The following RAB27A variants were observed in gnomAD, a reference collection of about 807,000 sequenced individuals.
The protein encoded by RAB27A is RAB27A, member RAS oncogene family.
RAB27A carries 17 observed loss-of-function variants against 20.8 expected under a neutral mutation model. The ratio of observed to expected loss-of-function variants is 0.82; its 90% CI spans 0.56 to 1.23. The LOEUF (loss-of-function observed/expected upper bound fraction) is 1.23. RAB27A is among the 50% of genes most tolerant of loss of function. RAB27A has a pLI of 0.00. For synonymous variants in RAB27A, 85 were observed against 92.8 expected (o/e 0.92, Z 0.48); for missense variants, 277 against 266.7 (o/e 1.04, Z -0.27).
At chr15:55,291,591 T>G (rs1898312868), upstream of RAB27A, among the ~76,000 whole-genome samples, 1 of 134,760 alleles carries the variant, frequency 7.4e-6, no homozygotes, top group Non-Finnish European at 1.6e-5. Context: ...GTCCTGGGAA[T>G]CACTGATCAG....
Position 55,270,155 on chromosome 15 carries a change from A to C in RAB27A, c.-23+10T>G, listed in dbSNP as rs1188066027. 2 of 152,180 alleles carry C rather than the reference A, an allele frequency of 1.3e-5. No individual in the cohort carries two copies. Among genetic ancestry groups the C allele is most frequent in the Non-Finnish European group, 2.9e-5 (2 of 68,032 alleles). The allele number at this position is 152,180 out of a possible 1,614,324, so 9.4% of individuals were successfully genotyped here. ...TACCAAAAAAAAAAAAGATAAATAC[A>C]AAACCATACCTTTACAGGGTAGAGA... On this transcript the variant is annotated intron_variant, in intron 2 of 6. Coordinates refer to ENST00000336787, the MANE Select transcript of RAB27A (RefSeq NM_183235.3).
chr15:55,230,667 T>G (rs1030902616), intron 3 of RAB27A, among the ~76,000 whole-genome samples, 181 bp from the exon 4 acceptor site: 1 of 152,136 alleles, frequency 6.6e-6, no homozygotes, highest in Admixed American at 6.5e-5. Flanking sequence ...ATAAGTTATA[T>G]TGAAATATAT....
At chr15:55,277,222 T>G (rs1413701749) in intron 1 of RAB27A, among the ~76,000 whole-genome samples, 1 of 152,190 alleles carries the variant, frequency 6.6e-6, no homozygotes, top group East Asian at 1.9e-4. Flanking sequence ...ATGTGTCATT[T>G]AGAGACTAGA....
At chr15:55,268,951 T>C (rs1897608224) in intron 2 of RAB27A, among the ~76,000 whole-genome samples, 1 of 152,134 alleles carries the variant, frequency 6.6e-6, no homozygotes, top group Non-Finnish European at 1.5e-5. Context: ...CCTCATGGTC[T>C]CTTCACAAGA....
chr15:55,278,192 A>G (rs1897924794), intron 1 of RAB27A, among the ~76,000 whole-genome samples: 1 of 152,204 alleles, frequency 6.6e-6, no homozygotes, highest in Non-Finnish European at 1.5e-5. Context: ...TGTAACACAC[A>G]TTTTGTTTCA....
chr15:55,217,619 C>A (rs1002169784), intron 6 of RAB27A, among the ~76,000 whole-genome samples: 2 of 122,644 alleles, frequency 1.6e-5, no homozygotes, highest in Non-Finnish European at 3.2e-5. Flanking sequence ...GAGCCAAGAT[C>A]GTGTCACTGC....
chr15:55,209,709 A>G lies in RAB27A; in HGVS notation c.468-4004T>C, dbSNP rs765677775. On this transcript the variant is annotated intron_variant, in intron 6 of 6. Transcript: ENST00000336787. ...AAAACTTACATAAAACTTTTAAGAA[A>G]ACTTCCACTAATATATATACACATA... Among the ~76,000 whole-genome samples the G allele has an allele frequency of 3.8e-4, 57 of 149,512 alleles. 1 individual carries two copies. The highest frequency in any genetic ancestry group is 8.6e-4 in the Admixed American group (13 of 15,070).
intron 2 of RAB27A, among the ~76,000 whole-genome samples, chr15:55,303,258 T>TG (rs1244895435): frequency 1.7e-5 from 1 of 58,976 alleles, no homozygotes; most frequent in Non-Finnish European, 3.0e-5. Flanking sequence ...GGGAGGGAGG[T>TG]GGGGGGGTCA....
At chr15:55,301,818 G>T (rs1002023703) in intron 2 of RAB27A, among the ~76,000 whole-genome samples, 1 of 151,708 alleles carries the variant, frequency 6.6e-6, no homozygotes, top group Admixed American at 6.6e-5. Flanking sequence ...GCTAATTTTT[G>T]TATTTTCAGT....
Position 55,304,817 on chromosome 15 carries a change from C to T in RAB27A, c.-112+9222G>A, listed in dbSNP as rs2054990449. Among the ~76,000 whole-genome samples, 2 of 151,126 alleles carry T rather than the reference C, an allele frequency of 1.3e-5. 1 individual carries two copies. Among genetic ancestry groups the T allele is most frequent in the East Asian group, 3.9e-4 (2 of 5,134 alleles). On this transcript the variant is annotated intron_variant, in intron 2 of 5. Coordinates refer to the RAB27A transcript ENST00000563262. ...AATAATGTGATGAACATTCATTTACCAGCTTTAGTGTGAACATATATATAT... is the reference window on the plus strand; with the variant it reads ...AATAATGTGATGAACATTCATTTACTAGCTTTAGTGTGAACATATATATAT...
chr15:55,294,589 GAAAAA>G (rs1181179911), upstream of RAB27A, among the ~76,000 whole-genome samples: 27 of 29,176 alleles, frequency 9.3e-4, no homozygotes, highest in South Asian at 1.7e-3. Context: ...CCCTGTCTCC[GAAAAA>G]AAAAAAAAAA....
chr15:55,240,797 G>A (rs1209693805), intron 2 of RAB27A, among the ~76,000 whole-genome samples: 2 of 152,084 alleles, frequency 1.3e-5, no homozygotes, highest in East Asian at 1.9e-4. Flanking sequence ...TAAAATTGGG[G>A]TGCATCTTAC....
intron 2 of RAB27A, among the ~76,000 whole-genome samples, chr15:55,313,529 T>C (rs1293717190): frequency 1.3e-5 from 2 of 152,208 alleles, no homozygotes; most frequent in Non-Finnish European, 2.9e-5. Context: ...TTAGAATGCT[T>C]TAAGGAACAT....
chr15:55,278,576 G>A (rs1037513507), intron 1 of RAB27A, among the ~76,000 whole-genome samples: 11 of 151,038 alleles, frequency 7.3e-5, no homozygotes, highest in African/African-American at 2.2e-4. Flanking sequence ...TCCACCTCCT[G>A]GGTTCACGCC....
At chr15:55,261,576 A>AG (rs1897267733) in intron 2 of RAB27A, among the ~76,000 whole-genome samples, 1 of 113,768 alleles carries the variant, frequency 8.8e-6, no homozygotes, top group African/African-American at 3.3e-5. Flanking sequence ...AAAAATACCA[A>AG]AAAAAAAAAA....
chr15:55,294,514 G>A (rs1270082182), upstream of RAB27A, among the ~76,000 whole-genome samples: 4 of 147,332 alleles, frequency 2.7e-5, no homozygotes, highest in African/African-American at 1.0e-4. Flanking sequence ...CTTGAGCCCA[G>A]GAAGCGGAGG....
chr15:55,315,342 T>C (rs977865591), intron 1 of RAB27A, among the ~76,000 whole-genome samples: 38 of 152,106 alleles, frequency 2.5e-4, no homozygotes, highest in African/African-American at 1.4e-4. Context: ...ATTCAGGACA[T>C]AGGCACGGGC....
chr15:55,277,717 T>C (rs1897912461), intron 1 of RAB27A, among the ~76,000 whole-genome samples: 1 of 152,218 alleles, frequency 6.6e-6, no homozygotes, highest in Non-Finnish European at 1.5e-5. Context: ...TGAAAGTTGC[T>C]CTGTGATGCA....
intron 1 of RAB27A, among the ~76,000 whole-genome samples, chr15:55,276,985 A>C (rs1289691661): frequency 6.6e-6 from 1 of 152,182 alleles, no homozygotes; most frequent in African/African-American, 2.4e-5. Flanking sequence ...ATCTGTCAAT[A>C]ATACCTCCCA....
Sources: gnomAD v4.1 joint callset for allele counts (sites outside exome capture counted in the v4.1 genomes callset) on GRCh38, gnomAD v4.1.1 for gene constraint, MANE v1.5 for transcripts, NCBI Gene and HGNC (gene_info 2026-07-23, HGNC 2026-07-21) for gene names.